Variants in PLCL2 observed in about 807,000 individuals in gnomAD.
PLCL2 encodes phospholipase C like 2.
PLCL2 carries 4 observed loss-of-function variants against 79.6 expected under a neutral mutation model. The ratio of observed to expected loss-of-function variants is 0.05; its 90% CI spans 0.02 to 0.11. The LOEUF is 0.11. Ranked by LOEUF, PLCL2 falls within the 10% of genes least tolerant of loss-of-function variation. The pLI, the probability that PLCL2 is intolerant of heterozygous loss-of-function variation, is 1.00. For missense variants in PLCL2, 895 were observed against 1,291.0 expected (o/e 0.69, Z 4.70); for synonymous variants, 484 against 457.7 (o/e 1.06, Z -0.73).
intron 1 of PLCL2, among the ~76,000 whole-genome samples, chr3:16,979,200 C>A (rs1204021393): frequency 6.6e-6 from 1 of 152,136 alleles, no homozygotes; most frequent in Non-Finnish European, 1.5e-5. Flanking sequence ...TCAATTAAAT[C>A]TATGGCATGA....
At chr3:17,081,217 T>C (rs769247116) in intron 5 of PLCL2, 4 of 456,802 alleles carry the variant, frequency 8.8e-6, no homozygotes, top group South Asian at 6.2e-5. Flanking sequence ...GGAGTATTTT[T>C]GTGCCTCAGA....
intron 3 of PLCL2, among the ~76,000 whole-genome samples, chr3:17,035,584 G>C (rs1010847150): frequency 1.3e-5 from 2 of 151,982 alleles, no homozygotes; most frequent in Non-Finnish European, 2.9e-5. Flanking sequence ...TCCCACTTTT[G>C]TGCCATCTCC....
At chr3:17,006,303 C>T (rs2064259735) in intron 1 of PLCL2, among the ~76,000 whole-genome samples, 1 of 152,186 alleles carries the variant, frequency 6.6e-6, no homozygotes, top group East Asian at 1.9e-4. Flanking sequence ...CAATTTGGGG[C>T]TCAGTCTCCT....
intron 1 of PLCL2, among the ~76,000 whole-genome samples, chr3:16,982,326 C>G (rs576551542): frequency 2.6e-5 from 4 of 152,310 alleles, no homozygotes; most frequent in Non-Finnish European, 5.9e-5. Flanking sequence ...GTTGTTTATG[C>G]CCCAGAGAAT....
rs1575517005 is a variant in PLCL2, at chr3:16,898,721, A to G, written c.327+13355A>G. Among the ~76,000 whole-genome samples the G allele has an allele frequency of 2.0e-5, 3 of 152,362 alleles. No homozygotes were observed. The South Asian group carries it at 6.2e-4, about 32-fold the overall frequency. Reference sequence around the variant, plus strand: ...CCACCAAAATAACAGGGCTTGATAAAGCTGTCCCCAGATACAGTTTGGCAA... The same window carrying G: ...CCACCAAAATAACAGGGCTTGATAAGGCTGTCCCCAGATACAGTTTGGCAA... On this transcript the variant is annotated intron_variant, in intron 1 of 5. Transcript: ENST00000615277.
intron 1 of PLCL2, among the ~76,000 whole-genome samples, chr3:16,991,134 G>A (rs1231303017): frequency 6.6e-6 from 1 of 152,184 alleles, no homozygotes; most frequent in Non-Finnish European, 1.5e-5. Context: ...AACCCAGTGG[G>A]CATCCAGCTG....
At chr3:16,954,961 T>G (rs1326918844) in intron 1 of PLCL2, among the ~76,000 whole-genome samples, 1 of 152,246 alleles carries the variant, frequency 6.6e-6, no homozygotes, top group African/African-American at 2.4e-5. Flanking sequence ...AAAAATGTTC[T>G]CCCATTCTGT....
At chr3:17,038,996 A>G (rs1267919648) in intron 3 of PLCL2, among the ~76,000 whole-genome samples, 1 of 152,204 alleles carries the variant, frequency 6.6e-6, no homozygotes, top group Non-Finnish European at 1.5e-5. Flanking sequence ...TGTTTCAGGT[A>G]GGTCTTCAGT....
intron 1 of PLCL2, among the ~76,000 whole-genome samples, chr3:16,957,070 G>A (rs1273720887): frequency 2.6e-5 from 4 of 152,094 alleles, no homozygotes; most frequent in African/African-American, 9.7e-5. Context: ...TCTTCTGCTA[G>A]CTTTTGCATG....
rs116081645 is a variant in PLCL2 at position 16,890,408 on chromosome 3, G to A, written c.327+5042G>A. ...TTTATAGTTCTTTGTGCTCTGCAAG[G>A]AGCCTAAACTAGAATGTTATTTACT... On this transcript the variant is annotated intron_variant, in intron 1 of 5. Transcript: ENST00000615277. Among the ~76,000 whole-genome samples, 685 of 152,288 alleles carry A rather than the reference G, an allele frequency of 4.5e-3. 3 individuals are homozygous for A. Among genetic ancestry groups the A allele is most frequent in the Non-Finnish European group, 7.8e-3 (533 of 68,032 alleles).
chr3:17,029,012 C>T (rs530138926), intron 3 of PLCL2, among the ~76,000 whole-genome samples: 1 of 152,240 alleles, frequency 6.6e-6, no homozygotes, highest in East Asian at 1.9e-4. Context: ...TATTTCCATG[C>T]ACACAAAATG....
chr3:16,893,385 T>C (rs1235537897), intron 1 of PLCL2, among the ~76,000 whole-genome samples: 1 of 152,254 alleles, frequency 6.6e-6, no homozygotes, highest in Non-Finnish European at 1.5e-5. Context: ...CAACTAATTA[T>C]AGAATTTTAG....
At chr3:17,006,302 G>T (rs1306326073) in intron 1 of PLCL2, among the ~76,000 whole-genome samples, 1 of 152,162 alleles carries the variant, frequency 6.6e-6, no homozygotes, top group East Asian at 1.9e-4. Flanking sequence ...GCAATTTGGG[G>T]CTCAGTCTCC....
chr3:17,034,220 G>A (rs1241437143), intron 3 of PLCL2, among the ~76,000 whole-genome samples: 2 of 152,092 alleles, frequency 1.3e-5, no homozygotes, highest in Non-Finnish European at 2.9e-5. Context: ...CAATCTTCAG[G>A]GTTTCAGTGT....
At chr3:16,919,804 C>G (rs1210217727) in intron 1 of PLCL2, among the ~76,000 whole-genome samples, 1 of 152,146 alleles carries the variant, frequency 6.6e-6, no homozygotes, top group African/African-American at 2.4e-5. Context: ...GGTATTGGCA[C>G]ATGCATAAGT....
chr3:16,974,296 G>C (rs1173338941), intron 1 of PLCL2, among the ~76,000 whole-genome samples: 3 of 152,196 alleles, frequency 2.0e-5, no homozygotes, highest in African/African-American at 7.2e-5. Context: ...AAGTGGACTA[G>C]AGGGCAGGAC....
At chr3:16,929,722 G>C (rs1697349760) in intron 1 of PLCL2, among the ~76,000 whole-genome samples, 1 of 152,230 alleles carries the variant, frequency 6.6e-6, no homozygotes. Context: ...GCCTGGGGAA[G>C]TTGAGTCCTT....
At chr3:17,015,706 G>T (rs2064376620) in intron 3 of PLCL2, among the ~76,000 whole-genome samples, 1 of 152,168 alleles carries the variant, frequency 6.6e-6, no homozygotes, top group South Asian at 2.1e-4. Context: ...TACCTCATCT[G>T]CTACCTCCTC....
Position 17,009,864 on chromosome 3 carries a change from G to A in PLCL2, c.518G>A (p.Arg173Lys), listed in dbSNP as rs2064301788. 1.2e-6 allele frequency: 2 copies of A among 1,613,340 alleles called. No homozygotes were observed. The highest frequency in any genetic ancestry group is 2.7e-5 in the African/African-American group (2 of 75,008). The change falls in exon 2 of 6, where the codon AGG becomes AAG. Residue 173 changes from arginine (R) to lysine (K), a missense_variant. By Grantham distance (26) the Arg-to-Lys change is conservative. Transcript: ENST00000615277. The surrounding 1 kb of genome is among the most constrained non-coding windows in gnomAD (Gnocchi z 4.0). ...FLLDADMQSLRWEPSKKDSEK... is the reference protein window; with the variant it reads ...FLLDADMQSLKWEPSKKDSEK... Reference sequence around the variant, plus strand: ...CTGGATGCTGACATGCAGAGCCTAAGGTGGGAGCCATCTAAGAAGGATTCT... The same window carrying A: ...CTGGATGCTGACATGCAGAGCCTAAAGTGGGAGCCATCTAAGAAGGATTCT...
Sources: allele counts gnomAD v4.1 joint callset (sites outside exome capture counted in the v4.1 genomes callset), GRCh38; gene constraint gnomAD v4.1.1; non-coding constraint Gnocchi (gnomAD v3.1); transcripts MANE v1.5; gene names NCBI Gene and HGNC (gene_info 2026-07-23, HGNC 2026-07-21).